The following SIGLECL1 variants were observed in gnomAD, a reference collection of about 807,000 sequenced individuals.
The protein encoded by SIGLECL1 is SIGLEC family like 1.
Under a neutral mutation model 19.1 loss-of-function variants are expected in SIGLECL1, and 16 were observed. The observed-to-expected ratio is 0.84, with a 90% confidence interval of 0.57 to 1.27. The LOEUF is 1.27. Ranked by LOEUF, SIGLECL1 falls within the 50% of genes most tolerant of loss-of-function variation. The probability of loss-of-function intolerance (pLI) is 0.00; values close to 1 mark genes in which losing one functional copy is unlikely to be tolerated. For missense variants in SIGLECL1, 210 were observed against 239.4 expected (o/e 0.88, Z 0.81); for synonymous variants, 89 against 90.4 (o/e 0.98, Z 0.09).
intron 1 of SIGLECL1, among the ~76,000 whole-genome samples, chr19:51,261,679 T>G (rs747653590): frequency 6.6e-6 from 1 of 152,246 alleles, no homozygotes; most frequent in Non-Finnish European, 1.5e-5. Flanking sequence ...TTTTCCAATA[T>G]GATGATCTTA....
chr19:51,254,723 G>A (rs950699473), intron 1 of SIGLECL1, among the ~76,000 whole-genome samples: 2 of 152,078 alleles, frequency 1.3e-5, no homozygotes, highest in African/African-American at 4.8e-5. Flanking sequence ...TTAGGTAATG[G>A]TGATGTCTGC....
upstream of SIGLECL1, among the ~76,000 whole-genome samples, chr19:51,250,852 T>A (rs542342977): frequency 1.3e-4 from 20 of 152,316 alleles, no homozygotes; most frequent in African/African-American, 4.1e-4. Flanking sequence ...CAGCCGTGCA[T>A]CAGCTCCCAG....
Position 51,267,491 on chromosome 19 carries a change from A to T in SIGLECL1, c.529A>T (p.Lys177Ter). Residue 177 changes from lysine (K) to a stop codon, truncating the protein, a stop_gained, in exon 5 of 6, where the codon AAA (lysine) becomes TAA (stop). Transcript: ENST00000601727. LOFTEE classifies it low-confidence loss of function (END_TRUNC). Reference protein sequence around the residue: ...EMSLKPEEPGKPVVATFSESR... With the variant: ...EMSLKPEEPG Reference sequence around the variant, plus strand: ...GTCTCTGAAGCCTGAGGAACCAGGAAAACCCGTAGTCGCCACATTTTCTGA... The same window carrying T: ...GTCTCTGAAGCCTGAGGAACCAGGATAACCCGTAGTCGCCACATTTTCTGA... 1.2e-6 allele frequency: 2 copies of T among 1,614,208 alleles called. No homozygotes were observed. Among genetic ancestry groups the T allele is most frequent in the Non-Finnish European group, 1.7e-6 (2 of 1,180,026 alleles).
intron 1 of SIGLECL1, among the ~76,000 whole-genome samples, chr19:51,252,864 G>A (rs537198795): frequency 1.3e-5 from 2 of 152,088 alleles, no homozygotes; most frequent in South Asian, 4.1e-4. Flanking sequence ...TTGGTTCACG[G>A]CTGCAATCCC....
intron 4 of SIGLECL1, 59 bp from the exon 5 acceptor site, chr19:51,267,314 C>A: frequency 1.3e-6 from 2 of 1,579,410 alleles, no homozygotes; most frequent in Non-Finnish European, 1.7e-6. Flanking sequence ...CAAGATAGAG[C>A]CCATTTGGGG....
At position 51,251,731 on chromosome 19, in the gene SIGLECL1, C is replaced by T. The variant is rs191286982; in HGVS notation, c.-191+186C>T. 3.5e-4 allele frequency among the ~76,000 whole-genome samples: 53 copies of T among 152,330 alleles called. No individual in the cohort carries two copies. The East Asian group carries it at 7.5e-3, about 22-fold the overall frequency. The stretch of plus-strand genomic sequence containing the variant: ...ACCCCTGCAAGGCACCCAGTCATTA[C>T]TCACACAGTTATCCCATGTGTGTCT... On this transcript the variant is annotated intron_variant, in intron 1 of 5. Transcript: ENST00000601727.
Position 51,268,675 on chromosome 19 carries a change from C to T in SIGLECL1, c.*78C>T. The T allele has an allele frequency of 3.4e-6, 5 of 1,468,594 alleles. No homozygotes were observed. The highest frequency in any genetic ancestry group is 4.7e-6 in the Non-Finnish European group (5 of 1,065,098). 91.0% of individuals were successfully genotyped at this position (1,468,594 alleles called of 1,614,324 possible). On this transcript the variant is annotated 3_prime_UTR_variant, in exon 6 of 6. Transcript: ENST00000601727. ...AGATCTGCAAAATTTATAGCGCTCA[C>T]AGAAACCCTGGAGGCTGTAATAAAC...
intron 1 of SIGLECL1, among the ~76,000 whole-genome samples, chr19:51,260,847 A>G (rs1983159757): frequency 1.3e-5 from 2 of 152,306 alleles, no homozygotes; most frequent in South Asian, 4.1e-4. Flanking sequence ...GCTGTGGCCA[A>G]TTTCTGTAAA....
chr19:51,264,202 C>T (rs1983462535), intron 2 of SIGLECL1, 108 bp downstream of exon 2: 2 of 1,248,564 alleles, frequency 1.6e-6, no homozygotes, highest in Non-Finnish European at 2.3e-6. Flanking sequence ...AGAAAGAGGA[C>T]ATATGGGCAT....
chr19:51,258,037 A>G (rs1041346250), intron 1 of SIGLECL1: 3 of 152,258 alleles, frequency 2.0e-5, no homozygotes, highest in African/African-American at 7.2e-5. Flanking sequence ...TCTGCCCTGT[A>G]TGTCTTCCCT....
At position 51,265,612 on chromosome 19, in the gene SIGLECL1, A is replaced by G; in HGVS notation, c.267A>G (p.Gln89=). 6.2e-7 allele frequency: 1 copy of G among 1,614,120 alleles called. No individual in the cohort carries two copies. The highest frequency in any genetic ancestry group is 8.5e-7 in the Non-Finnish European group (1 of 1,179,988). ...GMRLLCEGKN[Q]NGTHALSILL... ...GACTTCTCTGTGAGGGGAAGAACCA[A>G]AACGGAACCCATGCTTTGAGCATCC... The change falls in exon 3 of 6, where the codon CAA becomes CAG. Residue 89 remains glutamine, a synonymous_variant. Transcript: ENST00000601727.
chr19:51,255,819 C>T (rs769510027), intron 1 of SIGLECL1: 34 of 152,082 alleles, frequency 2.2e-4, no homozygotes, highest in Non-Finnish European at 4.3e-4. Context: ...AAAAGTAAAC[C>T]TTGTACACTG....
At chr19:51,261,640 A>T (rs987338184) in intron 1 of SIGLECL1, among the ~76,000 whole-genome samples, 122 of 152,276 alleles carry the variant, frequency 8.0e-4, no homozygotes, top group African/African-American at 2.7e-3. Flanking sequence ...TGTCTTTTGT[A>T]AACAGCATGG....
intron 1 of SIGLECL1, among the ~76,000 whole-genome samples, chr19:51,261,936 C>T (rs146188993): frequency 2.2e-4 from 34 of 152,200 alleles, no homozygotes; most frequent in Non-Finnish European, 4.6e-4. Context: ...GGGAGCAGAC[C>T]AGTGTAACCA....
intron 1 of SIGLECL1, among the ~76,000 whole-genome samples, chr19:51,258,922 A>G (rs1193099235): frequency 2.0e-5 from 3 of 152,150 alleles, no homozygotes; most frequent in Non-Finnish European, 2.9e-5. Context: ...GTTTGGAGGA[A>G]TTTTAGAAGC....
intron 5 of SIGLECL1, 47 bp from the exon 6 acceptor site, chr19:51,268,524 G>C (rs1983842840): frequency 1.9e-6 from 3 of 1,609,304 alleles, no homozygotes; most frequent in Non-Finnish European, 2.6e-6. Flanking sequence ...CTCTAGACCT[G>C]TTCCAACATT....
At chr19:51,264,160 G>A in intron 2 of SIGLECL1, 66 bp downstream of exon 2, 1 of 1,601,086 alleles carries the variant, frequency 6.2e-7, no homozygotes, top group Non-Finnish European at 8.5e-7. Context: ...CCTGGGTGTT[G>A]GCAGGGCAGA....
intron 1 of SIGLECL1, chr19:51,255,933 G>A (rs544730087): frequency 6.6e-6 from 1 of 152,238 alleles, no homozygotes; most frequent in South Asian, 2.1e-4. Flanking sequence ...CCCACTTCTA[G>A]GCATGTATTT....
rs1983441641 is a variant in SIGLECL1, at chr19:51,263,987, C to T, written c.-86C>T. 2 of 1,536,820 alleles carry T rather than the reference C, an allele frequency of 1.3e-6. No homozygotes were observed. The highest frequency in any genetic ancestry group is 1.8e-6 in the Non-Finnish European group (2 of 1,118,908). On this transcript the variant is annotated 5_prime_UTR_variant, in exon 2 of 6. Coordinates refer to ENST00000601727, the MANE Select transcript of SIGLECL1 (RefSeq NM_001385465.1). Reference sequence around the variant, plus strand: ...CCTCTTTCAGTTACGCATCACCTCACTCCTTCTGAACCATATGGTTCTGAT... The same window carrying T: ...CCTCTTTCAGTTACGCATCACCTCATTCCTTCTGAACCATATGGTTCTGAT...
Sources: gnomAD v4.1 joint callset for allele counts (sites outside exome capture counted in the v4.1 genomes callset) on GRCh38, gnomAD v4.1.1 for gene constraint, MANE v1.5 for transcripts, NCBI Gene and HGNC (gene_info 2026-07-23, HGNC 2026-07-21) for gene names.